The following PPP1R37 variants were observed in gnomAD, a reference collection of about 807,000 sequenced individuals.
PPP1R37 encodes leucine rich repeat containing 68.
PPP1R37 carries 21 observed loss-of-function variants against 61.0 expected under a neutral mutation model. That is an observed-to-expected ratio of 0.34 (90% CI 0.24 to 0.50). PPP1R37 has a LOEUF of 0.50. PPP1R37 is among the 20% of genes least tolerant of loss of function. PPP1R37 has a pLI of 0.98. For missense variants in PPP1R37, 910 were observed against 952.7 expected (o/e 0.96, Z 0.59); for synonymous variants, 443 against 433.5 (o/e 1.02, Z -0.27).
intron 1 of PPP1R37, among the ~76,000 whole-genome samples, chr19:45,101,551 C>T (rs1334612989): frequency 6.6e-6 from 1 of 152,188 alleles, no homozygotes; most frequent in African/African-American, 2.4e-5. Flanking sequence ...GACCTTGTCT[C>T]TACAAAAAAT....
At chr19:45,104,142 C>G (rs546214741) in intron 1 of PPP1R37, among the ~76,000 whole-genome samples, 1 of 152,234 alleles carries the variant, frequency 6.6e-6, no homozygotes, top group Non-Finnish European at 1.5e-5. Flanking sequence ...ACCAACTCCC[C>G]CTCCCGTGCT....
intron 1 of PPP1R37, among the ~76,000 whole-genome samples, chr19:45,134,797 G>C (rs116077103): frequency 0.01 from 1,543 of 152,162 alleles, 23 homozygotes; most frequent in African/African-American, 0.035. Flanking sequence ...TGACCTCCTC[G>C]GTCTCTGACT....
At chr19:45,140,317 C>G in intron 3 of PPP1R37, 36 bp downstream of exon 3, 1 of 1,530,394 alleles carries the variant, frequency 6.5e-7, no homozygotes, top group Non-Finnish European at 8.8e-7. Flanking sequence ...GCCCTTGGGT[C>G]ATGGGCAGGT....
At position 45,130,331 on chromosome 19, in the gene PPP1R37, C is replaced by T. The variant is rs1197347072; in HGVS notation, c.203-8183C>T. 6.6e-6 allele frequency among the ~76,000 whole-genome samples: 1 copy of T among 152,174 alleles called. No individual in the cohort carries two copies. Among genetic ancestry groups the T allele is most frequent in the African/African-American group, 2.4e-5 (1 of 41,428 alleles). On this transcript the variant is annotated intron_variant, in intron 1 of 12. Coordinates refer to ENST00000221462, the MANE Select transcript of PPP1R37 (RefSeq NM_019121.2). The surrounding 1 kb of genome is among the most constrained non-coding windows in gnomAD (Gnocchi z 4.4). ...TCCATCCTGTTGCTGCTCTGCCCCT[C>T]GCCCCCAGTGGCTCCGGTCTCCTGC... is the stretch of plus-strand genomic sequence containing the variant.
chr19:45,146,260 C>T, intron 11 of PPP1R37, 130 bp from the exon 12 acceptor site: 2 of 962,366 alleles, frequency 2.1e-6, no homozygotes, highest in East Asian at 2.6e-5. Context: ...GGTGTGCTGC[C>T]TTGAGCCTGA....
At chr19:45,142,539 C>T in intron 7 of PPP1R37, 81 bp downstream of exon 7, 1 of 1,403,092 alleles carries the variant, frequency 7.1e-7, no homozygotes. Context: ...GTGCTGGGGA[C>T]ACAGACATGG....
chr19:45,097,740 G>C (rs1196698482), intron 1 of PPP1R37, among the ~76,000 whole-genome samples: 2 of 152,158 alleles, frequency 1.3e-5, no homozygotes, highest in East Asian at 3.9e-4. Flanking sequence ...TTGTGTGCTT[G>C]TTTTCTTGGT....
intron 1 of PPP1R37, among the ~76,000 whole-genome samples, chr19:45,105,571 T>C (rs946456320): frequency 3.3e-5 from 5 of 152,138 alleles, no homozygotes; most frequent in African/African-American, 1.2e-4. Context: ...CCCCATTCCC[T>C]GTGACCCATG....
chr19:45,104,224 T>A (rs1308405412), intron 1 of PPP1R37, among the ~76,000 whole-genome samples: 1 of 152,156 alleles, frequency 6.6e-6, no homozygotes, highest in African/African-American at 2.4e-5. Context: ...CCATGGCGCC[T>A]CCTCGCTCTG....
intron 1 of PPP1R37, chr19:45,108,613 C>T (rs554682898): frequency 1.0e-4 from 15 of 144,856 alleles, no homozygotes; most frequent in East Asian, 4.1e-4. Context: ...TAGTTAACTT[C>T]GGTTTTGTTT....
At chr19:45,115,435 G>A (rs1968253940) in intron 1 of PPP1R37, among the ~76,000 whole-genome samples, 1 of 152,152 alleles carries the variant, frequency 6.6e-6, no homozygotes, top group Non-Finnish European at 1.5e-5. Context: ...GGAAAGGATG[G>A]GGGAGGGATA....
In PPP1R37 at chr19:45,142,262, C is replaced by A. The variant is rs559590448; in HGVS notation, c.719-41C>A. ...GCAGGATGTGCAGCCTGTTGGGGGG[C>A]AGGGGCCTGCCCAGTCACCGTGCCC... On this transcript the variant is annotated intron_variant, in intron 6 of 12. Coordinates refer to ENST00000221462, the MANE Select transcript of PPP1R37 (RefSeq NM_019121.2). 4.5e-4 allele frequency: 688 copies of A among 1,534,056 alleles called. 1 individual carries two copies. The highest frequency in any genetic ancestry group is 5.6e-4 in the Non-Finnish European group (642 of 1,145,614).
At chr19:45,140,370 A>AG in intron 3 of PPP1R37, 89 bp downstream of exon 3, 2 of 1,229,454 alleles carry the variant, frequency 1.6e-6, no homozygotes, top group Admixed American at 4.6e-5. Flanking sequence ...GCCTGGGGTT[A>AG]GCGGCTTCTG....
chr19:45,119,662 A>G (rs1487621342), intron 1 of PPP1R37, among the ~76,000 whole-genome samples: 1 of 152,210 alleles, frequency 6.6e-6, no homozygotes, highest in Non-Finnish European at 1.5e-5. Context: ...AAACAGTGGG[A>G]ACACTCAGCC....
At chr19:45,146,267 C>T in intron 11 of PPP1R37, 123 bp from the exon 12 acceptor site, 2 of 983,276 alleles carry the variant, frequency 2.0e-6, no homozygotes, top group Non-Finnish European at 3.0e-6. Flanking sequence ...TGCCTTGAGC[C>T]TGACCATCTC....
At chr19:45,128,499 T>G in intron 1 of PPP1R37, 3 of 899,924 alleles carry the variant, frequency 3.3e-6, no homozygotes, top group Non-Finnish European at 5.0e-6. Flanking sequence ...GAGGCAGCGG[T>G]TGGGTTTGCA....
intron 7 of PPP1R37, 67 bp downstream of exon 7, chr19:45,142,525 G>C: frequency 6.8e-7 from 1 of 1,461,644 alleles, no homozygotes; most frequent in East Asian, 2.5e-5. Context: ...CCCTGCGCTA[G>C]GTGGTGCTGG....
intron 1 of PPP1R37, chr19:45,099,940 TC>T (rs2122707431): frequency 6.6e-6 from 1 of 152,358 alleles, no homozygotes; most frequent in Admixed American, 6.5e-5. Flanking sequence ...CAGCTGGCAC[TC>T]GGTAACCAGC....
At chr19:45,131,037 G>A (rs1968470206) in intron 1 of PPP1R37, among the ~76,000 whole-genome samples, 1 of 152,150 alleles carries the variant, frequency 6.6e-6, no homozygotes, top group Non-Finnish European at 1.5e-5. Context: ...AGTCATCACC[G>A]CCCCCTGATG....
Sources: allele counts gnomAD v4.1 joint callset (sites outside exome capture counted in the v4.1 genomes callset), GRCh38; gene constraint gnomAD v4.1.1; non-coding constraint Gnocchi (gnomAD v3.1); transcripts MANE v1.5; gene names NCBI Gene and HGNC (gene_info 2026-07-23, HGNC 2026-07-21).